ITPK1: variants seen among roughly 807,000 people sequenced by gnomAD.
ITPK1 encodes inositol-tetrakisphosphate 1-kinase, also known as inositol 1,3,4-trisphosphate 5/6-kinase.
A neutral mutation model predicts 45.3 loss-of-function variants in ITPK1; 21 were observed. The observed-to-expected ratio is 0.46, with a 90% CI of 0.33 to 0.67. ITPK1 has a LOEUF of 0.67. Among genes scored for constraint, ITPK1 ranks in the 30% least tolerant of loss-of-function variants. The pLI, the probability that ITPK1 is intolerant of heterozygous loss-of-function variation, is 0.02. For missense variants in ITPK1, 474 were observed against 573.5 expected, an observed-to-expected ratio of 0.83 and a Z score of 1.77; for synonymous variants, 258 against 253.6, an observed-to-expected ratio of 1.02 and a Z score of -0.16.
chr14:93,106,124 C>T (rs1461731389), intron 2 of ITPK1, among the ~76,000 whole-genome samples: 1 of 152,152 alleles, frequency 6.6e-6, no homozygotes, highest in Non-Finnish European at 1.5e-5. Context: ...CACCTGAGAC[C>T]TAACCTGATT....
chr14:93,045,552 G>C (rs139658286), intron 3 of ITPK1, among the ~76,000 whole-genome samples: 1 of 152,176 alleles, frequency 6.6e-6, no homozygotes, highest in Non-Finnish European at 1.5e-5. Context: ...CTCAGGAGGA[G>C]GAGGTGAGAG....
intron 3 of ITPK1, among the ~76,000 whole-genome samples, chr14:93,054,067 C>T (rs951868412): frequency 2.0e-5 from 3 of 152,226 alleles, no homozygotes; most frequent in Admixed American, 6.5e-5. Context: ...ATGCATCCAA[C>T]CCTGACTGAA....
In ITPK1 at chr14:92,938,166, G is replaced by T; in HGVS notation, c.*3395C>A. 2 of 423,360 alleles carry T rather than the reference G, an allele frequency of 4.7e-6. No individual in the cohort carries two copies. The highest frequency in any genetic ancestry group is 8.5e-6 in the Non-Finnish European group (2 of 236,138). 26.2% of individuals were successfully genotyped at this position (423,360 alleles called of 1,614,324 possible). On this transcript the variant is annotated 3_prime_UTR_variant, in exon 11 of 11. Coordinates refer to ENST00000267615, the MANE Select transcript of ITPK1 (RefSeq NM_014216.6). Reference sequence around the variant, plus strand: ...GTAGAGATGGGGTTTCACCATGTTGGCCAGGATGGTGTCGATCTCTTGACC... The same window carrying T: ...GTAGAGATGGGGTTTCACCATGTTGTCCAGGATGGTGTCGATCTCTTGACC...
chr14:92,957,805 C>A (rs923906828), intron 8 of ITPK1, among the ~76,000 whole-genome samples: 3 of 152,222 alleles, frequency 2.0e-5, no homozygotes, highest in Admixed American at 2.0e-4. Flanking sequence ...GATGGCTCAG[C>A]GGGAGACAGC....
In ITPK1 at chr14:92,976,325, G is replaced by A. The variant is rs1260287630; in HGVS notation, c.365-13476C>T. ...TGTGAACTGGCCCTAGAGCCTCACA[G>A]ATAAATAGAATATGGACTCTGGAAG... On this transcript the variant is annotated intron_variant, in intron 5 of 10. Coordinates refer to ENST00000267615, the MANE Select transcript of ITPK1 (RefSeq NM_014216.6). Among the ~76,000 whole-genome samples, 3 of 152,196 alleles carry A rather than the reference G, an allele frequency of 2.0e-5. No homozygotes were observed. In the East Asian group the frequency reaches 5.8e-4, roughly 29 times the overall value.
intron 4 of ITPK1, among the ~76,000 whole-genome samples, chr14:93,008,642 C>T (rs953811775): frequency 6.6e-6 from 1 of 152,158 alleles, no homozygotes; most frequent in Admixed American, 6.5e-5. Flanking sequence ...GTGGTTTACC[C>T]GGCCGGCTGT....
rs1185306236 is a variant in ITPK1, at chr14:93,115,875, C to T, written c.-246G>A. 1 of 146,480 alleles carries T rather than the reference C, an allele frequency of 6.8e-6. No individual in the cohort carries two copies. The highest frequency in any genetic ancestry group is 2.5e-5 in the African/African-American group (1 of 40,772). 9.1% of individuals were successfully genotyped at this position (146,480 alleles called of 1,614,324 possible). A position where few individuals can be genotyped will look rare whatever the true frequency, so the allele number is the denominator to read the frequency against. ...CGCACTCGCCGCCCCTGCCCGCCGC[C>T]GCCCCGCGCTGGCCCGGCCGCCCCG... On this transcript the variant is annotated 5_prime_UTR_variant, in exon 1 of 11. Coordinates refer to ENST00000267615, the MANE Select transcript of ITPK1 (RefSeq NM_014216.6).
chr14:93,052,408 G>A (rs1042904844), intron 3 of ITPK1, among the ~76,000 whole-genome samples: 3 of 152,168 alleles, frequency 2.0e-5, no homozygotes, highest in Non-Finnish European at 2.9e-5. Context: ...GCGGCCTGTT[G>A]TCTGAAGAAC....
chr14:93,058,335 G>C (rs1300415999), intron 3 of ITPK1, among the ~76,000 whole-genome samples: 3 of 146,908 alleles, frequency 2.0e-5, no homozygotes, highest in Non-Finnish European at 3.0e-5. Context: ...GAGGCCACGG[G>C]ACACATTGCT....
chr14:92,983,528 C>T (rs1886329141), intron 5 of ITPK1, among the ~76,000 whole-genome samples: 1 of 152,098 alleles, frequency 6.6e-6, no homozygotes, highest in African/African-American at 2.4e-5. Context: ...AAAAAATAGG[C>T]AAACAACAGG....
At chr14:93,010,392 G>A (rs142076609) in intron 4 of ITPK1, among the ~76,000 whole-genome samples, 61 of 152,358 alleles carry the variant, frequency 4.0e-4, no homozygotes, top group Non-Finnish European at 7.3e-4. Context: ...TGTGGCAAAC[G>A]TGAACCGCGG....
intron 3 of ITPK1, among the ~76,000 whole-genome samples, chr14:93,039,096 C>A (rs758543478): frequency 6.6e-6 from 1 of 152,192 alleles, no homozygotes; most frequent in African/African-American, 2.4e-5. Flanking sequence ...CGCCTGCATA[C>A]GCCCAGCTCT....
intron 2 of ITPK1, among the ~76,000 whole-genome samples, chr14:93,084,100 C>CCACTG (rs1566776779): frequency 6.6e-6 from 1 of 152,212 alleles, no homozygotes; most frequent in East Asian, 1.9e-4. Context: ...AAAAAGCATT[C>CCACTG]CACTGCCAGC....
At chr14:93,050,049 C>T (rs1446823181) in intron 3 of ITPK1, among the ~76,000 whole-genome samples, 1 of 152,140 alleles carries the variant, frequency 6.6e-6, no homozygotes, top group Non-Finnish European at 1.5e-5. Flanking sequence ...GCTCAGCTTC[C>T]CTTTCGAGGA....
intron 3 of ITPK1, among the ~76,000 whole-genome samples, chr14:93,059,338 A>G (rs1052055085): frequency 2.2e-3 from 6 of 2,704 alleles, no homozygotes; most frequent in Admixed American, 5.7e-3. Flanking sequence ...AGCAGGGGGG[A>G]GGGGGTGCGG....
intron 3 of ITPK1, among the ~76,000 whole-genome samples, chr14:93,067,085 C>T (rs2139963827): frequency 6.6e-6 from 1 of 152,356 alleles, no homozygotes; most frequent in South Asian, 2.1e-4. Flanking sequence ...GGACAGTCAG[C>T]TACTTTAAGA....
chr14:93,011,185 C>T (rs1666287505), intron 4 of ITPK1, among the ~76,000 whole-genome samples: 1 of 152,240 alleles, frequency 6.6e-6, no homozygotes, highest in South Asian at 2.1e-4. Context: ...GCATAAGCCT[C>T]ACTGCCTTCT....
In ITPK1 at chr14:92,958,022, A is replaced by T. The variant is rs978143784; in HGVS notation, c.670+179T>A. Among the ~76,000 whole-genome samples, 8 of 152,114 alleles carry T rather than the reference A, an allele frequency of 5.3e-5. No individual in the cohort carries two copies. Among genetic ancestry groups the T allele is most frequent in the African/African-American group, 1.7e-4 (7 of 41,438 alleles). On this transcript the variant is annotated intron_variant, in intron 8 of 10. Coordinates refer to ENST00000267615, the MANE Select transcript of ITPK1 (RefSeq NM_014216.6). This position sits in a 1 kb window ranked among gnomAD's most constrained non-coding sequence, Gnocchi z 4.4. ...ATGACCCAGGGAATAGGGACATTTT[A>T]CTAGTTCCCCAAGACCTCTTTATCC...
At chr14:93,020,257 A>T (rs1595143283) in intron 3 of ITPK1, among the ~76,000 whole-genome samples, 1 of 152,206 alleles carries the variant, frequency 6.6e-6, no homozygotes, top group East Asian at 1.9e-4. Context: ...GATTAACCCA[A>T]TCGTACCCAG....
Sources: gnomAD v4.1 joint callset for allele counts (sites outside exome capture counted in the v4.1 genomes callset) on GRCh38, gnomAD v4.1.1 for gene constraint, Gnocchi (gnomAD v3.1) non-coding constraint, MANE v1.5 for transcripts, NCBI Gene and HGNC (gene_info 2026-07-23, HGNC 2026-07-21) for gene names.